Variants in AATF observed in about 807,000 individuals in gnomAD.
AATF encodes protein AATF.
AATF carries 48 observed loss-of-function variants against 63.7 expected under a neutral mutation model. The observed-to-expected ratio is 0.75, with a 90% CI of 0.60 to 0.96. The LOEUF is 0.96. Among genes scored for constraint, AATF ranks in the 40% least tolerant of loss-of-function variants. The pLI is 0.00. For missense variants in AATF, 639 were observed against 685.7 expected (o/e 0.93, Z 0.76); for synonymous variants, 258 against 247.7 (o/e 1.04, Z -0.39).
At chr17:36,985,913 A>G (rs1302123711) in intron 4 of AATF, among the ~76,000 whole-genome samples, 1 of 152,198 alleles carries the variant, frequency 6.6e-6, no homozygotes, top group Non-Finnish European at 1.5e-5. Context: ...CAGCTCTATT[A>G]CATATGCATC....
At chr17:37,019,564 T>C (rs556790769) in intron 9 of AATF, among the ~76,000 whole-genome samples, 4 of 152,278 alleles carry the variant, frequency 2.6e-5, no homozygotes, top group South Asian at 4.1e-4. Flanking sequence ...CAGGGCAGAA[T>C]GTAAAGTAGT....
At chr17:36,961,840 A>G (rs1018427947) in intron 4 of AATF, among the ~76,000 whole-genome samples, 1 of 151,914 alleles carries the variant, frequency 6.6e-6, no homozygotes, top group Non-Finnish European at 1.5e-5. Flanking sequence ...GTGCCTGGCT[A>G]ATTTTTGTGT....
chr17:36,952,314 C>G (rs1434712977), intron 2 of AATF, among the ~76,000 whole-genome samples: 2 of 152,222 alleles, frequency 1.3e-5, no homozygotes, highest in African/African-American at 2.4e-5. Context: ...GCATGCATAT[C>G]TACCACTCCC....
At chr17:37,043,707 T>C (rs79156685) in intron 11 of AATF, among the ~76,000 whole-genome samples, 3,853 of 152,284 alleles carry the variant, frequency 0.025, 163 homozygotes, top group African/African-American at 0.087. Flanking sequence ...TTCCAGTTAT[T>C]GTCGGCCTCC....
intron 8 of AATF, among the ~76,000 whole-genome samples, chr17:37,015,120 C>A (rs2071419749): frequency 6.6e-6 from 1 of 152,184 alleles, no homozygotes; most frequent in Admixed American, 6.5e-5. Context: ...CGATCCTTAA[C>A]TGTCTGTTCA....
At chr17:37,018,851 C>T (rs1246196140) in intron 8 of AATF, 154 bp from the exon 9 acceptor site, 5 of 638,764 alleles carry the variant, frequency 7.8e-6, no homozygotes, top group Non-Finnish European at 1.4e-5. Flanking sequence ...AAAGCGTTAA[C>T]GGGAATTCAG....
chr17:36,974,537 T>C (rs1034433048), intron 4 of AATF, among the ~76,000 whole-genome samples: 1 of 152,200 alleles, frequency 6.6e-6, no homozygotes, highest in Admixed American at 6.5e-5. Context: ...ATGCAAAATT[T>C]TAAGGCTTTT....
chr17:37,024,262 C>T (rs1439921397), intron 10 of AATF, among the ~76,000 whole-genome samples: 5 of 152,182 alleles, frequency 3.3e-5, no homozygotes, highest in Admixed American at 1.3e-4. Flanking sequence ...TTGCACAAGA[C>T]GACTTCCTCA....
chr17:36,998,214 A>G (rs1203397068), intron 8 of AATF, among the ~76,000 whole-genome samples: 2 of 150,846 alleles, frequency 1.3e-5, no homozygotes, highest in African/African-American at 5.0e-5. Flanking sequence ...GTAACCCAGT[A>G]ACTTATGGAA....
intron 4 of AATF, among the ~76,000 whole-genome samples, chr17:36,962,914 G>A (rs757105685): frequency 2.0e-4 from 31 of 152,146 alleles, no homozygotes; most frequent in Non-Finnish European, 1.0e-4. Flanking sequence ...CTGAGGTCAG[G>A]TGTTCGAGAC....
intron 4 of AATF, among the ~76,000 whole-genome samples, chr17:36,957,061 G>T (rs995599280): frequency 7.9e-5 from 12 of 152,270 alleles, no homozygotes; most frequent in Non-Finnish European, 1.8e-4. Flanking sequence ...TATAGCTGGT[G>T]TGGAACATAG....
intron 8 of AATF, among the ~76,000 whole-genome samples, chr17:37,001,854 T>C (rs1370619835): frequency 6.6e-6 from 1 of 152,118 alleles, no homozygotes; most frequent in African/African-American, 2.4e-5. Context: ...GACATCCAAA[T>C]TGGAAAGGAT....
intron 6 of AATF, 120 bp from the exon 7 acceptor site, chr17:36,989,127 G>A (rs894203815): frequency 4.9e-5 from 57 of 1,166,452 alleles, no homozygotes; most frequent in Non-Finnish European, 6.4e-5. Context: ...TTTACAGAAA[G>A]TCCCTCCTGA....
At chr17:37,041,947 A>G (rs2071644020) in intron 11 of AATF, among the ~76,000 whole-genome samples, 1 of 152,236 alleles carries the variant, frequency 6.6e-6, no homozygotes, top group Non-Finnish European at 1.5e-5. Flanking sequence ...TTTCTCTTAT[A>G]ATAGTAAATT....
intron 10 of AATF, among the ~76,000 whole-genome samples, chr17:37,025,894 T>C (rs2071507174): frequency 6.6e-6 from 1 of 152,134 alleles, no homozygotes; most frequent in Non-Finnish European, 1.5e-5. Context: ...ATTTATTTGG[T>C]CTCTAAGTAT....
chr17:36,956,349 A>C (rs570671196), intron 4 of AATF, among the ~76,000 whole-genome samples: 1 of 152,160 alleles, frequency 6.6e-6, no homozygotes, highest in East Asian at 1.9e-4. Context: ...TATGTTGTAT[A>C]CTCCCCTGTC....
intron 11 of AATF, among the ~76,000 whole-genome samples, chr17:37,048,595 C>G (rs566330690): frequency 6.6e-6 from 1 of 151,794 alleles, no homozygotes; most frequent in African/African-American, 2.4e-5. Context: ...GGTCTCAAAC[C>G]CCTAACCTCA....
chr17:37,006,137 T>TA (rs1567981181), intron 8 of AATF, among the ~76,000 whole-genome samples: 1 of 151,110 alleles, frequency 6.6e-6, no homozygotes, highest in Non-Finnish European at 1.5e-5. Context: ...ACCCTGTCTC[T>TA]AAAAAAAGAA....
chr17:37,011,128 C>T (rs1004231077), intron 8 of AATF, among the ~76,000 whole-genome samples: 2 of 152,150 alleles, frequency 1.3e-5, no homozygotes, highest in African/African-American at 4.8e-5. Flanking sequence ...CCCAGCACTT[C>T]AGGAGGCCAA....
Sources: gnomAD v4.1 joint callset for allele counts (sites outside exome capture counted in the v4.1 genomes callset) on GRCh38, gnomAD v4.1.1 for gene constraint, MANE v1.5 for transcripts, NCBI Gene and HGNC (gene_info 2026-07-23, HGNC 2026-07-21) for gene names.